LRBA: variants seen among roughly 807,000 people sequenced by gnomAD.
LRBA encodes LPS responsive beige-like anchor protein.
A neutral mutation model predicts 330.0 loss-of-function variants in LRBA; 176 were observed. The observed-to-expected ratio is 0.53, with a 90% CI of 0.47 to 0.60. The LOEUF (loss-of-function observed/expected upper bound fraction) is 0.60. Ranked by LOEUF, LRBA falls within the 20% of genes least tolerant of loss-of-function variation. LRBA has a pLI of 0.00. For missense variants in LRBA, 3,259 were observed against 3,444.8 expected (o/e 0.95, Z 1.35); for synonymous variants, 1,230 against 1,193.0 (o/e 1.03, Z -0.64).
At chr4:150,849,303 A>G (rs1487679569) in intron 25 of LRBA, 119 bp downstream of exon 25, 3 of 841,122 alleles carry the variant, frequency 3.6e-6, no homozygotes, top group Non-Finnish European at 3.8e-6. Flanking sequence ...AAAAGATCCT[A>G]TTGTTTTTTA....
intron 47 of LRBA, among the ~76,000 whole-genome samples, chr4:150,392,378 AG>A (rs1438044167): frequency 2.6e-5 from 4 of 152,168 alleles, no homozygotes; most frequent in African/African-American, 9.7e-5. Flanking sequence ...CCAGGGGGAA[AG>A]AGAGAGCAGA....
chr4:150,491,360 A>T (rs1444223392), intron 40 of LRBA, among the ~76,000 whole-genome samples: 1 of 152,054 alleles, frequency 6.6e-6, no homozygotes, highest in Non-Finnish European at 1.5e-5. Context: ...GAAAAGTAAA[A>T]CTTCAGATAA....
At chr4:150,472,856 C>A (rs921298569) in intron 42 of LRBA, among the ~76,000 whole-genome samples, 6 of 152,054 alleles carry the variant, frequency 3.9e-5, no homozygotes, top group African/African-American at 9.7e-5. Flanking sequence ...TAGTATCCCA[C>A]TGTATATAGA....
rs1730278258 is a variant in LRBA, at chr4:150,897,872, T to C, written c.1925-54A>G. 2.2e-5 allele frequency: 26 copies of C among 1,195,362 alleles called. 1 individual carries two copies. The South Asian group carries it at 3.2e-4, about 15-fold the overall frequency. 74.0% of individuals were successfully genotyped at this position (1,195,362 alleles called of 1,614,324 possible). On this transcript the variant is annotated intron_variant, in intron 14 of 56. Transcript: ENST00000651943. The stretch of plus-strand genomic sequence containing the variant: ...TAGTATTTAAAGGACCTCAAAGCTG[T>C]CAAAGTATAAAATTCTCATTCCCAA...
chr4:150,554,897 AGT>A (rs993487107), intron 40 of LRBA, among the ~76,000 whole-genome samples: 3 of 152,192 alleles, frequency 2.0e-5, no homozygotes, highest in Non-Finnish European at 4.4e-5. Flanking sequence ...CATTAAACTC[AGT>A]GTTTAAGGAA....
At chr4:150,749,602 A>T (rs74749412) in intron 35 of LRBA, among the ~76,000 whole-genome samples, 3,104 of 152,154 alleles carry the variant, frequency 0.02, 43 homozygotes, top group Middle Eastern at 0.071. Context: ...CCCAAAAAAA[A>T]AATAATAATA....
At chr4:150,949,227 G>C (rs962947679) in intron 2 of LRBA, among the ~76,000 whole-genome samples, 9 of 152,174 alleles carry the variant, frequency 5.9e-5, no homozygotes, top group African/African-American at 1.9e-4. Context: ...TAAACAAACT[G>C]TAGTACATCC....
intron 40 of LRBA, among the ~76,000 whole-genome samples, chr4:150,500,401 C>A (rs1344514063): frequency 1.3e-5 from 2 of 151,964 alleles, no homozygotes; most frequent in Non-Finnish European, 2.9e-5. Context: ...CATGGTGAAA[C>A]CCTGTCTCTA....
chr4:150,737,314 G>A (rs1450338087), intron 35 of LRBA, among the ~76,000 whole-genome samples: 2 of 151,988 alleles, frequency 1.3e-5, no homozygotes. Flanking sequence ...ATAAAAATTA[G>A]CCAGGCATGA....
At chr4:150,639,817 G>GTATA (rs1561457992) in intron 37 of LRBA, among the ~76,000 whole-genome samples, 4 of 5,364 alleles carry the variant, frequency 7.5e-4, no homozygotes, top group African/African-American at 1.5e-3. Context: ...GTGTGTGTGT[G>GTATA]TGTATATATA....
intron 36 of LRBA, chr4:150,684,020 G>T (rs1783288479): frequency 4.3e-6 from 1 of 235,000 alleles, no homozygotes; most frequent in Admixed American, 5.3e-5. Context: ...AGCATGAAGT[G>T]AAGTTGCAAA....
intron 34 of LRBA, among the ~76,000 whole-genome samples, chr4:150,782,020 A>G (rs1193721315): frequency 6.6e-6 from 1 of 152,072 alleles, no homozygotes. Context: ...CGATCCTCCC[A>G]TCTCAGCATC....
At chr4:150,559,684 T>TATATTA (rs1177307739) in intron 40 of LRBA, among the ~76,000 whole-genome samples, 2 of 87,654 alleles carry the variant, frequency 2.3e-5, no homozygotes, top group African/African-American at 9.9e-5. Context: ...ATATAATATA[T>TATATTA]TATATTATAT....
intron 37 of LRBA, among the ~76,000 whole-genome samples, chr4:150,677,362 C>T (rs1446892739): frequency 6.6e-6 from 1 of 152,126 alleles, no homozygotes; most frequent in Non-Finnish European, 1.5e-5. Flanking sequence ...CATAATGAGA[C>T]TTGCAGGATA....
intron 44 of LRBA, among the ~76,000 whole-genome samples, chr4:150,447,667 G>C (rs1203602086): frequency 6.6e-6 from 1 of 152,070 alleles, no homozygotes; most frequent in Non-Finnish European, 1.5e-5. Context: ...AACTCCTATT[G>C]GTTCTGTTTC....
At chr4:150,449,464 C>T (rs1753075183) in intron 44 of LRBA, among the ~76,000 whole-genome samples, 2 of 150,962 alleles carry the variant, frequency 1.3e-5, no homozygotes, top group Non-Finnish European at 3.0e-5. Context: ...GAGGAGCTAC[C>T]CTATCCACCC....
chr4:150,939,722 C>T (rs79160536), intron 2 of LRBA, among the ~76,000 whole-genome samples: 2,559 of 152,284 alleles, frequency 0.017, 34 homozygotes, highest in Non-Finnish European at 0.026. Context: ...TTCAGCTTAT[C>T]TTCACCCAGA....
At chr4:150,893,681 T>G (rs1365198925) in intron 16 of LRBA, among the ~76,000 whole-genome samples, 1 of 151,818 alleles carries the variant, frequency 6.6e-6, no homozygotes. Context: ...TTGTTTTTTG[T>G]TTTTTGTTTT....
intron 36 of LRBA, among the ~76,000 whole-genome samples, chr4:150,691,055 G>A (rs1054974830): frequency 1.3e-5 from 2 of 150,740 alleles, no homozygotes; most frequent in Middle Eastern, 3.4e-3. Context: ...TCAGCCTCCC[G>A]AGTAGCTAGG....
Sources: gnomAD v4.1 joint callset for allele counts (sites outside exome capture counted in the v4.1 genomes callset) on GRCh38, gnomAD v4.1.1 for gene constraint, MANE v1.5 for transcripts, NCBI Gene and HGNC (gene_info 2026-07-23, HGNC 2026-07-21) for gene names.